The following PAX7 variants were observed in gnomAD, a reference collection of about 807,000 sequenced individuals.
PAX7 encodes the protein paired box protein Pax-7.
In PAX7, 18 loss-of-function variants were observed where a neutral mutation model predicts 50.7. The ratio of observed to expected loss-of-function variants is 0.36; its 90% confidence interval spans 0.25 to 0.53. PAX7 has a LOEUF of 0.53. Ranked by LOEUF, PAX7 falls within the 20% of genes least tolerant of loss-of-function variation. The pLI is 0.93. For synonymous variants in PAX7, 310 were observed against 290.4 expected (o/e 1.07, Z -0.69); for missense variants, 644 against 702.9 (o/e 0.92, Z 0.95).
intron 7 of PAX7, among the ~76,000 whole-genome samples, chr1:18,733,052 T>C (rs1451926371): frequency 1.3e-5 from 2 of 152,066 alleles, no homozygotes; most frequent in Admixed American, 6.5e-5. Flanking sequence ...GGTCCGTGTT[T>C]GTGTTGGGTG....
At chr1:18,737,124 G>T (rs1406473862) in intron 8 of PAX7, among the ~76,000 whole-genome samples, 3 of 152,270 alleles carry the variant, frequency 2.0e-5, no homozygotes, top group Admixed American at 6.5e-5. Context: ...CGCCTGGCAA[G>T]GCCAGCAGCA....
At chr1:18,741,680 G>A (rs1029693424) in intron 8 of PAX7, among the ~76,000 whole-genome samples, 1 of 152,236 alleles carries the variant, frequency 6.6e-6, no homozygotes, top group African/African-American at 2.4e-5. Flanking sequence ...CTGGCATGGT[G>A]TGAAGTAAGG....
intron 5 of PAX7, among the ~76,000 whole-genome samples, chr1:18,697,659 G>C (rs2089166727): frequency 6.6e-6 from 1 of 152,174 alleles, no homozygotes; most frequent in Non-Finnish European, 1.5e-5. Context: ...TACTGGGAAG[G>C]AGGTGAACCT....
intron 8 of PAX7, among the ~76,000 whole-genome samples, chr1:18,740,184 AC>A (rs1931049649): frequency 6.6e-6 from 1 of 152,098 alleles, no homozygotes; most frequent in Non-Finnish European, 1.5e-5. Flanking sequence ...AGATGTCACA[AC>A]CCTGCCCTCG....
chr1:18,685,989 C>A (rs1346993809), intron 4 of PAX7, among the ~76,000 whole-genome samples: 5 of 152,216 alleles, frequency 3.3e-5, no homozygotes, highest in African/African-American at 1.2e-4. Context: ...CTCCTGCCCA[C>A]CCCAAAGCTT....
intron 4 of PAX7, among the ~76,000 whole-genome samples, chr1:18,688,014 C>T (rs555575386): frequency 7.2e-5 from 11 of 152,178 alleles, no homozygotes; most frequent in Middle Eastern, 3.4e-3. Flanking sequence ...CACTGGGGCC[C>T]GGGGCTTGGC....
At chr1:18,725,317 C>CAA (rs1553142839) in intron 7 of PAX7, among the ~76,000 whole-genome samples, 7 of 138,374 alleles carry the variant, frequency 5.1e-5, no homozygotes, top group African/African-American at 1.1e-4. Flanking sequence ...CCCCCCGCCC[C>CAA]ACCAACACCG....
At chr1:18,742,148 C>CTTTTT (rs61248648) in intron 8 of PAX7, among the ~76,000 whole-genome samples, 5 of 103,556 alleles carry the variant, frequency 4.8e-5, no homozygotes, top group African/African-American at 1.2e-4. Context: ...AATGAGGCTT[C>CTTTTT]TTTTTTTTTT....
At chr1:18,720,326 T>A (rs2089478488) in intron 7 of PAX7, among the ~76,000 whole-genome samples, 1 of 152,032 alleles carries the variant, frequency 6.6e-6, no homozygotes, top group Non-Finnish European at 1.5e-5. Context: ...GAACCCCAAA[T>A]CCTTCCGAGG....
chr1:18,730,987 G>A (rs983146069), intron 7 of PAX7, among the ~76,000 whole-genome samples: 15 of 152,258 alleles, frequency 9.9e-5, no homozygotes, highest in East Asian at 3.9e-4. Flanking sequence ...TCAGCCTGAC[G>A]GACAGCCCTG....
At chr1:18,667,656 G>A (rs2743218) in intron 4 of PAX7, among the ~76,000 whole-genome samples, 1 of 151,776 alleles carries the variant, frequency 6.6e-6, no homozygotes, top group Non-Finnish European at 1.5e-5. Flanking sequence ...TGGGTTTAAG[G>A]GGGTGGAAAT....
chr1:18,709,659 C>T (rs115326690), intron 7 of PAX7, among the ~76,000 whole-genome samples: 10 of 152,170 alleles, frequency 6.6e-5, no homozygotes, highest in Admixed American at 2.6e-4. Context: ...GATGAGGAAA[C>T]CTTCCTTGTC....
intron 7 of PAX7, among the ~76,000 whole-genome samples, chr1:18,712,235 G>A (rs530355887): frequency 7.7e-4 from 117 of 152,204 alleles, no homozygotes; most frequent in African/African-American, 2.6e-3. Context: ...AGACAGACCC[G>A]GCCAAGACCC....
intron 6 of PAX7, among the ~76,000 whole-genome samples, chr1:18,702,010 A>G (rs1192489320): frequency 6.6e-6 from 1 of 152,102 alleles, no homozygotes; most frequent in African/African-American, 2.4e-5. Flanking sequence ...GCCCTGTCCC[A>G]GCACACACCA....
chr1:18,639,396 T>TG lies in PAX7; in HGVS notation c.586+3025_586+3026insG, dbSNP rs987092405. Among the ~76,000 whole-genome samples, 7 of 26,096 alleles carry TG rather than the reference T, an allele frequency of 2.7e-4. No individual in the cohort carries two copies. The African/African-American group carries it at 4.4e-3, about 17-fold the overall frequency. 17.1% of individuals were successfully genotyped at this position (26,096 alleles called of 152,430 possible). Reference sequence around the variant, plus strand: ...GCTGATATTCATGAGGCTGTTCATATTTTTTTTTTTGCTCTTATCCTTGTT... The same window carrying TG: ...GCTGATATTCATGAGGCTGTTCATATGTTTTTTTTTTGCTCTTATCCTTGTT... On this transcript the variant is annotated intron_variant, in intron 4 of 8. Transcript: ENST00000420770.
At position 18,697,111 on chromosome 1, in the gene PAX7, T is replaced by C. The variant is rs1570185834; in HGVS notation, c.787-3542T>C. 2.6e-5 allele frequency among the ~76,000 whole-genome samples: 4 copies of C among 152,310 alleles called. 1 individual carries two copies. The highest frequency in any genetic ancestry group is 2.6e-4 in the Admixed American group (4 of 15,304). On this transcript the variant is annotated intron_variant, in intron 5 of 8. Transcript: ENST00000420770. ...GTGCTGGGACTTGAACCCAAGTCTA[T>C]CTGCTCAGGTTCGTTTCCTCTGTGC... is the stretch of plus-strand genomic sequence containing the variant.
At chr1:18,722,943 C>T (rs11261053) in intron 7 of PAX7, among the ~76,000 whole-genome samples, 6,454 of 152,242 alleles carry the variant, frequency 0.042, 177 homozygotes, top group Middle Eastern at 0.051. Context: ...TGTCTCCTTT[C>T]CTCATCCCTC....
chr1:18,707,708 A>C (rs1336391826), intron 7 of PAX7, among the ~76,000 whole-genome samples: 2 of 152,164 alleles, frequency 1.3e-5, no homozygotes, highest in Non-Finnish European at 2.9e-5. Context: ...TACAGGCATG[A>C]GCCACTGCGC....
chr1:18,709,719 T>C (rs755292473), intron 7 of PAX7, among the ~76,000 whole-genome samples: 1 of 152,190 alleles, frequency 6.6e-6, no homozygotes, highest in Non-Finnish European at 1.5e-5. Context: ...TGGAGCCTCT[T>C]CCAGGTGCCA....
Sources: allele counts gnomAD v4.1 joint callset (sites outside exome capture counted in the v4.1 genomes callset), GRCh38; gene constraint gnomAD v4.1.1; transcripts MANE v1.5; gene names NCBI Gene and HGNC (gene_info 2026-07-23, HGNC 2026-07-21).